PPP3CA: variants seen among roughly 807,000 people sequenced by gnomAD.
PPP3CA encodes the protein CAM-PRP catalytic subunit.
PPP3CA carries 14 observed loss-of-function variants against 66.5 expected under a neutral mutation model. The observed-to-expected ratio is 0.21, with a 90% CI of 0.14 to 0.33. PPP3CA has a LOEUF of 0.33. PPP3CA is among the 10% of genes least tolerant of loss of function. The probability of loss-of-function intolerance (pLI) is 1.00; values close to 1 mark genes in which losing one functional copy is unlikely to be tolerated. For synonymous variants in PPP3CA, 232 were observed against 226.2 expected (o/e 1.03, Z -0.23); for missense variants, 317 against 639.5 (o/e 0.50, Z 5.44).
chr4:101,036,817 C>T (rs747673819), intron 11 of PPP3CA, among the ~76,000 whole-genome samples: 23 of 152,182 alleles, frequency 1.5e-4, no homozygotes, highest in Admixed American at 3.9e-4. Context: ...CTACTCTTCC[C>T]GATAAATACC....
At chr4:101,037,564 T>C (rs1451139867) in intron 11 of PPP3CA, among the ~76,000 whole-genome samples, 1 of 152,164 alleles carries the variant, frequency 6.6e-6, no homozygotes, top group Non-Finnish European at 1.5e-5. Context: ...CTGGGATTAC[T>C]TCAAAAGCTT....
intron 10 of PPP3CA, among the ~76,000 whole-genome samples, chr4:101,041,919 A>C (rs193072838): frequency 6.7e-6 from 1 of 149,498 alleles, no homozygotes; most frequent in Non-Finnish European, 1.5e-5. Flanking sequence ...TGAGTCAAGT[A>C]ATTTGCTCAG....
chr4:101,289,179 C>A (rs1727941272), intron 1 of PPP3CA, among the ~76,000 whole-genome samples: 1 of 152,148 alleles, frequency 6.6e-6, no homozygotes. Flanking sequence ...AAAAATAACT[C>A]TACAGATAAA....
intron 2 of PPP3CA, among the ~76,000 whole-genome samples, chr4:101,192,789 A>T (rs1036000607): frequency 6.6e-6 from 1 of 152,178 alleles, no homozygotes; most frequent in African/African-American, 2.4e-5. Flanking sequence ...TACAGTTCTT[A>T]AAAAACTTAT....
chr4:101,167,481 A>G (rs765557557), intron 2 of PPP3CA, among the ~76,000 whole-genome samples: 11 of 152,192 alleles, frequency 7.2e-5, no homozygotes, highest in Non-Finnish European at 1.5e-4. Flanking sequence ...TGTTTTAGAC[A>G]CTGGGAATAG....
intron 2 of PPP3CA, among the ~76,000 whole-genome samples, chr4:101,146,682 C>G (rs1007852678): frequency 1.3e-5 from 2 of 152,064 alleles, no homozygotes; most frequent in Non-Finnish European, 2.9e-5. Flanking sequence ...ACCTCGTGAT[C>G]TGCCCACCTC....
intron 3 of PPP3CA, among the ~76,000 whole-genome samples, chr4:101,104,891 TGTA>T (rs1467238246): frequency 6.6e-6 from 1 of 152,180 alleles, no homozygotes; most frequent in African/African-American, 2.4e-5. Flanking sequence ...GTCCCTGGGT[TGTA>T]GTCTCAGACT....
chr4:101,197,711 G>A (rs1724845057), intron 1 of PPP3CA, among the ~76,000 whole-genome samples: 2 of 152,172 alleles, frequency 1.3e-5, no homozygotes, highest in South Asian at 4.1e-4. Flanking sequence ...ACTGTAAGAT[G>A]AGTAAGGCAT....
At chr4:101,327,720 T>C (rs1472733902) in intron 1 of PPP3CA, among the ~76,000 whole-genome samples, 1 of 152,172 alleles carries the variant, frequency 6.6e-6, no homozygotes, top group East Asian at 1.9e-4. Flanking sequence ...AATTTCCTTA[T>C]AAAGTAGAGG....
Position 101,191,257 on chromosome 4 carries a change from T to C in PPP3CA, c.259+4659A>G, listed in dbSNP as rs138961245. On this transcript the variant is annotated intron_variant, in intron 2 of 13. Transcript: ENST00000394854. ...CCCTACAGGTGATTCTGATCTATGG[T>C]CAAGTTTGGAAACACTGACTCCACC... Among the ~76,000 whole-genome samples, 381 of 152,290 alleles carry C rather than the reference T, an allele frequency of 2.5e-3. 2 individuals carry two copies. Among genetic ancestry groups the C allele is most frequent in the African/African-American group, 8.9e-3 (371 of 41,566 alleles).
chr4:101,094,240 T>C (rs1176770355), intron 5 of PPP3CA, among the ~76,000 whole-genome samples: 1 of 152,160 alleles, frequency 6.6e-6, no homozygotes, highest in African/African-American at 2.4e-5. Flanking sequence ...TATCCTTCTC[T>C]CCTTACTTAC....
chr4:101,088,807 C>A (rs1729786466), intron 6 of PPP3CA, among the ~76,000 whole-genome samples: 1 of 151,948 alleles, frequency 6.6e-6, no homozygotes, highest in Admixed American at 6.5e-5. Context: ...AAATAAAGGT[C>A]TTGAATTCAC....
intron 2 of PPP3CA, among the ~76,000 whole-genome samples, chr4:101,113,354 ACACACAGC>A (rs1241162768): frequency 6.6e-6 from 1 of 152,108 alleles, no homozygotes; most frequent in Non-Finnish European, 1.5e-5. Flanking sequence ...CTCTCATAGC[ACACACAGC>A]CTTCATTCTG....
At chr4:101,133,678 T>A (rs906000195) in intron 2 of PPP3CA, among the ~76,000 whole-genome samples, 1 of 152,146 alleles carries the variant, frequency 6.6e-6, no homozygotes, top group Non-Finnish European at 1.5e-5. Context: ...TCAAAGTAAT[T>A]TATAGATTCA....
intron 2 of PPP3CA, among the ~76,000 whole-genome samples, chr4:101,176,549 T>G (rs935593576): frequency 6.6e-6 from 1 of 152,072 alleles, no homozygotes; most frequent in African/African-American, 2.4e-5. Context: ...GTAGCTGGAG[T>G]AGTCTCTAAT....
intron 1 of PPP3CA, among the ~76,000 whole-genome samples, chr4:101,197,389 C>T (rs1486658671): frequency 6.6e-6 from 1 of 152,192 alleles, no homozygotes; most frequent in Non-Finnish European, 1.5e-5. Flanking sequence ...TCTGGACAAT[C>T]CAGCCACATC....
At chr4:101,168,672 C>T (rs1257551735) in intron 2 of PPP3CA, among the ~76,000 whole-genome samples, 1 of 152,166 alleles carries the variant, frequency 6.6e-6, no homozygotes, top group Non-Finnish European at 1.5e-5. Context: ...GGAGTGTCAA[C>T]TTCTCAGGAG....
intron 1 of PPP3CA, among the ~76,000 whole-genome samples, chr4:101,208,163 G>A (rs555904773): frequency 7.2e-5 from 11 of 152,120 alleles, no homozygotes; most frequent in African/African-American, 2.4e-4. Context: ...AAATAATCAG[G>A]ATTAAATGTA....
intron 11 of PPP3CA, among the ~76,000 whole-genome samples, chr4:101,036,842 A>AT (rs1727275897): frequency 6.6e-6 from 1 of 152,220 alleles, no homozygotes; most frequent in Non-Finnish European, 1.5e-5. Flanking sequence ...AGGTATTTAA[A>AT]TTGAAAAGTA....
Sources: gnomAD v4.1 joint callset for allele counts (sites outside exome capture counted in the v4.1 genomes callset) on GRCh38, gnomAD v4.1.1 for gene constraint, MANE v1.5 for transcripts, NCBI Gene and HGNC (gene_info 2026-07-23, HGNC 2026-07-21) for gene names.